Variants in CLIC4 observed in about 807,000 individuals in gnomAD.
CLIC4 encodes the protein chloride intracellular channel protein 4.
Under a neutral mutation model 24.6 loss-of-function variants are expected in CLIC4, and 13 were observed. The observed-to-expected ratio is 0.53, with a 90% CI of 0.34 to 0.84. The LOEUF is 0.84. CLIC4 is among the 40% of genes least tolerant of loss of function. The probability of loss-of-function intolerance (pLI) is 0.01; values close to 1 mark genes in which losing one functional copy is unlikely to be tolerated. For missense variants in CLIC4, 227 were observed against 301.7 expected (o/e 0.75, Z 1.83); for synonymous variants, 104 against 111.3 (o/e 0.93, Z 0.41).
rs577689356 is a variant in CLIC4, at chr1:24,843,820, G to C, written c.*2883G>C. 2 of 152,704 alleles carry C rather than the reference G, an allele frequency of 1.3e-5. No homozygotes were observed. The highest frequency in any genetic ancestry group is 2.1e-4 in the South Asian group (1 of 4,826). 9.5% of individuals were successfully genotyped at this position (152,704 alleles called of 1,614,324 possible). A position where few individuals can be genotyped will look rare whatever the true frequency, so the allele number is the denominator to read the frequency against. ...TTGAATCTCTCCAGAGTTGCATGTA[G>C]ATAGCATTTATTTCTGTGCCCTTAA... On this transcript the variant is annotated 3_prime_UTR_variant, in exon 6 of 6. Coordinates refer to ENST00000374379, the MANE Select transcript of CLIC4 (RefSeq NM_013943.3).
intron 1 of CLIC4, among the ~76,000 whole-genome samples, chr1:24,769,092 C>A (rs1433060970): frequency 6.6e-6 from 1 of 151,500 alleles, no homozygotes; most frequent in Non-Finnish European, 1.5e-5. Flanking sequence ...TTGCACCACT[C>A]CACTCCAGCC....
At chr1:24,827,595 T>A (rs1363467133) in intron 4 of CLIC4, among the ~76,000 whole-genome samples, 7 of 150,514 alleles carry the variant, frequency 4.7e-5, no homozygotes, top group African/African-American at 1.5e-4. Flanking sequence ...TTGTTTTTGC[T>A]AATTACCCTT....
At chr1:24,782,167 G>A (rs887005374) in intron 1 of CLIC4, among the ~76,000 whole-genome samples, 3 of 152,130 alleles carry the variant, frequency 2.0e-5, no homozygotes, top group Non-Finnish European at 2.9e-5. Context: ...AACATCAAAT[G>A]TACTGTTATA....
At chr1:24,785,854 C>CAAAAAAAAAAA (rs61009244) in intron 1 of CLIC4, among the ~76,000 whole-genome samples, 32 of 58,858 alleles carry the variant, frequency 5.4e-4, no homozygotes, top group African/African-American at 8.0e-4. Context: ...GACTACAACT[C>CAAAAAAAAAAA]AAAAAAAAAA....
chr1:24,749,204 ACT>A (rs1431491033), intron 1 of CLIC4, among the ~76,000 whole-genome samples: 8 of 151,242 alleles, frequency 5.3e-5, no homozygotes, highest in African/African-American at 1.7e-4. Context: ...ACAGAGCAAG[ACT>A]CCATCTCAAA....
chr1:24,797,211 C>G (rs1639415003), intron 1 of CLIC4, among the ~76,000 whole-genome samples: 1 of 151,476 alleles, frequency 6.6e-6, no homozygotes, highest in African/African-American at 2.4e-5. Context: ...CTCAGCCTCC[C>G]AAAGTGCTGG....
chr1:24,800,644 G>C (rs1229704239), intron 2 of CLIC4, among the ~76,000 whole-genome samples: 1 of 152,228 alleles, frequency 6.6e-6, no homozygotes, highest in Non-Finnish European at 1.5e-5. Flanking sequence ...GTGGGGAGAA[G>C]ATTGAGAAAT....
At chr1:24,810,761 C>CA (rs898789493) in intron 2 of CLIC4, among the ~76,000 whole-genome samples, 172 of 136,352 alleles carry the variant, frequency 1.3e-3, no homozygotes, top group Admixed American at 1.3e-3. Context: ...TGACTGGTCT[C>CA]AAAAAAAAAA....
At chr1:24,774,499 A>G (rs1639107809) in intron 1 of CLIC4, among the ~76,000 whole-genome samples, 1 of 152,162 alleles carries the variant, frequency 6.6e-6, no homozygotes, top group African/African-American at 2.4e-5. Flanking sequence ...TCAGCAATTT[A>G]AAAAATGTTC....
rs1259451031 is a variant in CLIC4 at position 24,747,865 on chromosome 1, T to A, written c.72+2240T>A. On this transcript the variant is annotated intron_variant, in intron 1 of 5. Coordinates refer to ENST00000374379, the MANE Select transcript of CLIC4 (RefSeq NM_013943.3). Reference sequence around the variant, plus strand: ...GCCTGGCCAACATGGTGAAACCCTGTCTCTACTAAAAATAGAAAAATTAGC... The same window carrying A: ...GCCTGGCCAACATGGTGAAACCCTGACTCTACTAAAAATAGAAAAATTAGC... 2.0e-5 allele frequency among the ~76,000 whole-genome samples: 3 copies of A among 151,822 alleles called. No homozygotes were observed. In the East Asian group the frequency reaches 5.8e-4, roughly 30 times the overall value.
chr1:24,838,436 G>C (rs1264967496), intron 4 of CLIC4, among the ~76,000 whole-genome samples: 1 of 152,084 alleles, frequency 6.6e-6, no homozygotes, highest in East Asian at 1.9e-4. Context: ...TCTATTACCT[G>C]GACTACCATG....
rs1639925593 is a variant in CLIC4 at position 24,839,938 on chromosome 1, A to G, written c.494A>G (p.Glu165Gly). 2.5e-6 allele frequency: 4 copies of G among 1,613,516 alleles called. No individual in the cohort carries two copies. The Admixed American group carries it at 6.7e-5, about 27-fold the overall frequency. ...TCTCCTCTCCCTGATGAAATTGATGAAAATAGTATGGAGGACATAAAGTTT... is the reference window on the plus strand; with the variant it reads ...TCTCCTCTCCCTGATGAAATTGATGGAAATAGTATGGAGGACATAAAGTTT... ...LNSPLPDEIDENSMEDIKFST... is the reference protein window; with the variant it reads ...LNSPLPDEIDGNSMEDIKFST... The change falls in exon 5 of 6, where the codon GAA (glutamate) becomes GGA (glycine). Residue 165 changes from glutamate (E) to glycine (G), a missense_variant. Coordinates refer to ENST00000374379, the MANE Select transcript of CLIC4 (RefSeq NM_013943.3).
At chr1:24,774,274 C>T (rs1301857892) in intron 1 of CLIC4, among the ~76,000 whole-genome samples, 2 of 152,166 alleles carry the variant, frequency 1.3e-5, no homozygotes, top group African/African-American at 4.8e-5. Context: ...CCACGCCCAG[C>T]TAAGTAACTT....
At chr1:24,775,224 C>CTTTCTTT (rs1639119913) in intron 1 of CLIC4, among the ~76,000 whole-genome samples, 4 of 90,664 alleles carry the variant, frequency 4.4e-5, no homozygotes, top group African/African-American at 8.7e-5. Context: ...TTCTTTCTTT[C>CTTTCTTT]TTTTTTTTTT....
Position 24,824,190 on chromosome 1 carries a change from G to A in CLIC4, c.309-2820G>A, listed in dbSNP as rs567799242. ...TTTAGAATTTGATTTATCTTTTAGA[G>A]ATAATCTAATCTGTAATAGAAACAA... On this transcript the variant is annotated intron_variant, in intron 3 of 5. Transcript: ENST00000374379. 3.9e-5 allele frequency among the ~76,000 whole-genome samples: 6 copies of A among 152,326 alleles called. No homozygotes were observed. The South Asian group carries it at 1.2e-3, about 32-fold the overall frequency.
intron 4 of CLIC4, among the ~76,000 whole-genome samples, chr1:24,828,282 G>T (rs1356517000): frequency 6.6e-6 from 1 of 152,088 alleles, no homozygotes; most frequent in Non-Finnish European, 1.5e-5. Context: ...AGGGAAAAAT[G>T]TTAGTGCTCA....
At chr1:24,761,742 G>C (rs1314885200) in intron 1 of CLIC4, among the ~76,000 whole-genome samples, 1 of 152,128 alleles carries the variant, frequency 6.6e-6, no homozygotes, top group Non-Finnish European at 1.5e-5. Flanking sequence ...GGAGGCCATT[G>C]CCATCAAGAA....
At chr1:24,761,586 G>A (rs574443001) in intron 1 of CLIC4, among the ~76,000 whole-genome samples, 30 of 152,318 alleles carry the variant, frequency 2.0e-4, no homozygotes, top group African/African-American at 7.0e-4. Flanking sequence ...TATGTCATGT[G>A]AATTTTGTCC....
chr1:24,843,551 A>C lies in CLIC4; in HGVS notation c.*2614A>C, dbSNP rs1639964599. On this transcript the variant is annotated 3_prime_UTR_variant, in exon 6 of 6. Coordinates refer to ENST00000374379, the MANE Select transcript of CLIC4 (RefSeq NM_013943.3). Reference sequence around the variant, plus strand: ...CAGCAGTTGGAAAGCTCTCTATTCTAGTTGATAAAACTTCCCTTTTTTGAT... The same window carrying C: ...CAGCAGTTGGAAAGCTCTCTATTCTCGTTGATAAAACTTCCCTTTTTTGAT... 6.6e-6 allele frequency: 1 copy of C among 152,208 alleles called. No homozygotes were observed. Among genetic ancestry groups the C allele is most frequent in the African/African-American group, 2.4e-5 (1 of 41,436 alleles). 9.4% of individuals were successfully genotyped at this position (152,208 alleles called of 1,614,324 possible).
Sources: allele counts gnomAD v4.1 joint callset (sites outside exome capture counted in the v4.1 genomes callset), GRCh38; gene constraint gnomAD v4.1.1; transcripts MANE v1.5; gene names NCBI Gene and HGNC (gene_info 2026-07-23, HGNC 2026-07-21).